ATP2C1: variants seen among roughly 807,000 people sequenced by gnomAD.
The protein encoded by ATP2C1 is ATPase secretory pathway Ca2+ transporting 1.
In ATP2C1, 31 loss-of-function variants were observed where a neutral mutation model predicts 120.5. The observed-to-expected ratio is 0.26, with a 90% CI of 0.19 to 0.35. ATP2C1 has a LOEUF of 0.35. ATP2C1 is among the 10% of genes least tolerant of loss of function. The probability of loss-of-function intolerance (pLI) is 1.00; values close to 1 mark genes in which losing one functional copy is unlikely to be tolerated. For missense variants in ATP2C1, 731 were observed against 1,107.5 expected, an observed-to-expected ratio of 0.66 and a Z score of 4.83; for synonymous variants, 351 against 358.7, an observed-to-expected ratio of 0.98 and a Z score of 0.24.
chr3:130,994,720 T>C (rs1254498801), intron 22 of ATP2C1, among the ~76,000 whole-genome samples: 1 of 152,162 alleles, frequency 6.6e-6, no homozygotes, highest in African/African-American at 2.4e-5. Context: ...ATTCCAATTA[T>C]ATGTTCCAGG....
At chr3:130,996,152 A>T (rs1453084179) in intron 23 of ATP2C1, 41 bp downstream of exon 23, 1 of 1,367,842 alleles carries the variant, frequency 7.3e-7, no homozygotes, top group Non-Finnish European at 1.0e-6. Context: ...TCTTCTGGAT[A>T]AATTATATGA....
chr3:130,907,782 A>G (rs573860723), intron 2 of ATP2C1, among the ~76,000 whole-genome samples: 12 of 149,592 alleles, frequency 8.0e-5, no homozygotes, highest in African/African-American at 3.0e-4. Context: ...TTGCATTTCC[A>G]TATGAATTTT....
upstream of ATP2C1, among the ~76,000 whole-genome samples, chr3:130,889,393 A>G (rs970154861): frequency 6.6e-6 from 1 of 152,198 alleles, no homozygotes; most frequent in African/African-American, 2.4e-5. Flanking sequence ...TATTCATGCC[A>G]TCAAAATCAA....
intron 2 of ATP2C1, among the ~76,000 whole-genome samples, chr3:130,899,961 G>T (rs1375904705): frequency 2.0e-5 from 3 of 152,058 alleles, no homozygotes; most frequent in Non-Finnish European, 4.4e-5. Flanking sequence ...TTGACATTTG[G>T]TCATTTCGTA....
chr3:130,953,089 GTATGTATGTATGTATGTATGTATGTATA>G (rs2060433204), intron 8 of ATP2C1, among the ~76,000 whole-genome samples: 1 of 151,366 alleles, frequency 6.6e-6, no homozygotes, highest in Non-Finnish European at 1.5e-5. Context: ...ATGTATGTAT[GTATGTATGTATGTATGTATGTATGTATA>G]TATGTATGTA....
chr3:130,863,148 A>G lies in ATP2C1; in HGVS notation c.108+12220A>G, dbSNP rs150194315. ...AGAGTCCATGCCATATAGCGCTTCA[A>G]AAAATGATGTTATATGAGATCCTAT... is the stretch of plus-strand genomic sequence containing the variant. On this transcript the variant is annotated intron_variant, in intron 1 of 26. Transcript: ENST00000504381. Among the ~76,000 whole-genome samples, 107 of 152,274 alleles carry G rather than the reference A, an allele frequency of 7.0e-4. 1 individual carries two copies. The highest frequency in any genetic ancestry group is 2.5e-3 in the African/African-American group (102 of 41,560).
At chr3:130,905,423 A>G (rs1239572123) in intron 2 of ATP2C1, among the ~76,000 whole-genome samples, 1 of 152,054 alleles carries the variant, frequency 6.6e-6, no homozygotes, top group African/African-American at 2.4e-5. Flanking sequence ...ACTGTTCTCA[A>G]CCACAGTATA....
chr3:130,869,716 C>A (rs1425566882), intron 1 of ATP2C1, among the ~76,000 whole-genome samples: 1 of 152,198 alleles, frequency 6.6e-6, no homozygotes, highest in Non-Finnish European at 1.5e-5. Context: ...CAGAGTAAGT[C>A]TCTAACTCTC....
At chr3:130,997,548 A>G in intron 24 of ATP2C1, 58 bp from the exon 25 acceptor site, 1 of 1,536,498 alleles carries the variant, frequency 6.5e-7, no homozygotes, top group Non-Finnish European at 9.0e-7. Flanking sequence ...AGGTTGTGAA[A>G]GTAACAAATC....
At chr3:131,005,614 T>C (rs1425269042), downstream of ATP2C1, among the ~76,000 whole-genome samples, 1 of 152,214 alleles carries the variant, frequency 6.6e-6, no homozygotes, top group Non-Finnish European at 1.5e-5. Flanking sequence ...CAGACGGATG[T>C]GTTAATCAAA....
At chr3:130,855,488 G>T (rs536167584) in intron 1 of ATP2C1, among the ~76,000 whole-genome samples, 1 of 152,240 alleles carries the variant, frequency 6.6e-6, no homozygotes, top group African/African-American at 2.4e-5. Flanking sequence ...GTAAGCAGAG[G>T]CTGTTGAGAT....
Position 130,862,314 on chromosome 3 carries a change from C to CTTTATTTATTTA in ATP2C1, c.108+11418_108+11429dup, listed in dbSNP as rs56326023. On this transcript the variant is annotated intron_variant, in intron 1 of 26. Transcript: ENST00000504381. ...TTTATTTATTATACTTACTTATTCACTTTATTTATTTATTTATTTATTTAT... is the reference window on the plus strand; with the variant it reads ...TTTATTTATTATACTTACTTATTCACTTTATTTATTTATTTATTTATTTATTTATTTATTTAT... Among the ~76,000 whole-genome samples, 796 of 138,068 alleles carry CTTTATTTATTTA rather than the reference C, an allele frequency of 5.8e-3. 2 individuals are homozygous for CTTTATTTATTTA. Among genetic ancestry groups the CTTTATTTATTTA allele is most frequent in the Middle Eastern group, 0.022 (6 of 276 alleles). 90.6% of individuals were successfully genotyped at this position (138,068 alleles called of 152,430 possible). A position where few individuals can be genotyped will look rare whatever the true frequency, so the allele number is the denominator to read the frequency against.
At chr3:131,014,144 G>A (rs781599752) in intron 26 of ATP2C1, 1 of 1,613,386 alleles carries the variant, frequency 6.2e-7, no homozygotes, top group South Asian at 1.1e-5. Context: ...ACCAACACTT[G>A]GTGTGTGCAG....
intron 2 of ATP2C1, among the ~76,000 whole-genome samples, chr3:130,897,567 T>A (rs575229655): frequency 7.9e-5 from 12 of 152,266 alleles, no homozygotes; most frequent in African/African-American, 2.9e-4. Flanking sequence ...GTGAACAGTG[T>A]AGAATTGATA....
At chr3:130,937,135 A>G (rs182700183) in intron 5 of ATP2C1, among the ~76,000 whole-genome samples, 1 of 152,332 alleles carries the variant, frequency 6.6e-6, no homozygotes, top group East Asian at 1.9e-4. Flanking sequence ...AAAATTTGAT[A>G]TGGTAAATAT....
chr3:130,995,921 A>G lies in ATP2C1; in HGVS notation c.2058-122A>G, dbSNP rs989250892. Reference sequence around the variant, plus strand: ...CGGCCTCCCAGTGTGCTGGGATTACAGGCATGAGCCACAGTGCCCGGTTGG... The same window carrying G: ...CGGCCTCCCAGTGTGCTGGGATTACGGGCATGAGCCACAGTGCCCGGTTGG... On this transcript the variant is annotated intron_variant, in intron 22 of 27. Coordinates refer to ENST00000510168, the MANE Select transcript of ATP2C1 (RefSeq NM_001378687.1). 1.1e-5 allele frequency: 8 copies of G among 725,404 alleles called. No homozygotes were observed. The East Asian group carries it at 1.6e-4, about 14-fold the overall frequency. The allele number at this position is 725,404 out of a possible 1,614,324, so 44.9% of individuals were successfully genotyped here.
chr3:130,947,797 AT>A (rs928327441), intron 8 of ATP2C1, among the ~76,000 whole-genome samples: 34 of 150,306 alleles, frequency 2.3e-4, no homozygotes, highest in Admixed American at 1.3e-4. Context: ...CCTCCAATTG[AT>A]TTTTTTTGAT....
chr3:130,860,505 C>A (rs928338130), intron 1 of ATP2C1, among the ~76,000 whole-genome samples: 15 of 152,196 alleles, frequency 9.9e-5, no homozygotes, highest in African/African-American at 3.6e-4. Context: ...AGGCACTTGA[C>A]AAGGTGCTTT....
chr3:130,993,283 T>C (rs749546365), intron 21 of ATP2C1, among the ~76,000 whole-genome samples: 110 of 152,092 alleles, frequency 7.2e-4, no homozygotes, highest in Non-Finnish European at 1.2e-3. Context: ...AGCCGAGTCA[T>C]CCCAGCGTAA....
Sources: allele counts gnomAD v4.1 joint callset (sites outside exome capture counted in the v4.1 genomes callset), GRCh38; gene constraint gnomAD v4.1.1; transcripts MANE v1.5; gene names NCBI Gene and HGNC (gene_info 2026-07-23, HGNC 2026-07-21).